The following TRIM14 variants were observed in gnomAD, a reference collection of about 807,000 sequenced individuals.
TRIM14 encodes the protein tripartite motif-containing protein 14.
TRIM14 carries 28 observed loss-of-function variants against 44.5 expected under a neutral mutation model. The observed-to-expected ratio is 0.63, with a 90% CI of 0.47 to 0.86. The LOEUF is 0.86. Among genes scored for constraint, TRIM14 ranks in the 40% least tolerant of loss-of-function variants. The pLI, the probability that TRIM14 is intolerant of heterozygous loss-of-function variation, is 0.00. For missense variants in TRIM14, 607 were observed against 611.1 expected, an observed-to-expected ratio of 0.99 and a Z score of 0.07; for synonymous variants, 299 against 269.2, an observed-to-expected ratio of 1.11 and a Z score of -1.08.
At position 98,095,100 on chromosome 9, in the gene TRIM14, C is replaced by T; in HGVS notation, c.538-71G>A. 2 of 1,532,976 alleles carry T rather than the reference C, an allele frequency of 1.3e-6. No individual in the cohort carries two copies. Among genetic ancestry groups the T allele is most frequent in the Non-Finnish European group, 1.7e-6 (2 of 1,143,622 alleles). The allele number at this position is 1,532,976 out of a possible 1,614,324, so 95.0% of individuals were successfully genotyped here. ...AGCATCCCAGCCTCCTGTGCTGCAC[C>T]CAGGAACAAACCCACACCAGCATGC... On this transcript the variant is annotated intron_variant, in intron 3 of 5. Coordinates refer to ENST00000341469, the MANE Select transcript of TRIM14 (RefSeq NM_014788.4). The surrounding 1 kb of genome is among the most constrained non-coding windows in gnomAD (Gnocchi z 4.1).
intron 1 of TRIM14, among the ~76,000 whole-genome samples, chr9:98,118,333 G>A (rs1239250165): frequency 6.6e-6 from 1 of 152,162 alleles, no homozygotes; most frequent in Non-Finnish European, 1.5e-5. Flanking sequence ...CTGGCTAATG[G>A]AGTCCTGGGT....
At chr9:98,082,665 A>AATC (rs1179470957), downstream of TRIM14, among the ~76,000 whole-genome samples, 5 of 152,206 alleles carry the variant, frequency 3.3e-5, no homozygotes, top group East Asian at 5.8e-4. Context: ...CTCTGAATTC[A>AATC]ATCTATACTG....
At position 98,087,869 on chromosome 9, in the gene TRIM14, T is replaced by C; in HGVS notation, c.930A>G (p.Gln310=). 6.4e-6 allele frequency: 10 copies of C among 1,566,490 alleles called. No homozygotes were observed. Among genetic ancestry groups the C allele is most frequent in the South Asian group, 1.2e-5 (1 of 86,896 alleles). Residue 310 remains glutamine, a synonymous_variant, in exon 6 of 6, where the codon CAA becomes CAG. Coordinates refer to ENST00000341469, the MANE Select transcript of TRIM14 (RefSeq NM_014788.4). ...TGGCGAAGCAGTCACGAGCCAGCAC[T>C]TGCCAGAGCGCGTCGAACCGCAGCA... ...VPVLRFDALW[Q]VLARDCFATG...
intron 1 of TRIM14, 64 bp downstream of exon 1, chr9:98,118,918 G>A (rs1827146805): frequency 7.0e-7 from 1 of 1,422,830 alleles, no homozygotes. Context: ...CCCCTCCTCG[G>A]CCGTTATGCC....
the TRIM14 span, among the ~76,000 whole-genome samples, chr9:98,039,393 T>A: frequency 6.6e-6 from 1 of 152,202 alleles, no homozygotes; most frequent in African/African-American, 2.4e-5. Context: ...CCTTGTTCAT[T>A]CCTGGGCGTA....
At chr9:98,076,528 C>T (rs143954095) in intron 6 of TRIM14, 2,171 of 193,072 alleles carry the variant, frequency 0.011, 24 homozygotes, top group Non-Finnish European at 0.014. Context: ...GTGCCCGCCA[C>T]CACACCCGGC....
At position 98,098,584 on chromosome 9, in the gene TRIM14, C is replaced by T. The variant is rs58944075; in HGVS notation, c.537+1347G>A. 4.8e-3 allele frequency among the ~76,000 whole-genome samples: 723 copies of T among 151,920 alleles called. 3 individuals carry two copies. Among genetic ancestry groups the T allele is most frequent in the African/African-American group, 0.017 (686 of 41,426 alleles). ...AAAATTAGCTGGGCGTGGTGGGGGG[C>T]GCCTGTAGTCCCAGCTACTCGGGAG... is the stretch of plus-strand genomic sequence containing the variant. On this transcript the variant is annotated intron_variant, in intron 3 of 5. Transcript: ENST00000341469.
At chr9:98,073,860 C>T (rs1259690376) in intron 6 of TRIM14, among the ~76,000 whole-genome samples, 1 of 152,146 alleles carries the variant, frequency 6.6e-6, no homozygotes, top group Non-Finnish European at 1.5e-5. Flanking sequence ...GACCTCAGCT[C>T]AGTGCAGCCT....
At chr9:98,059,029 A>T in the TRIM14 span, among the ~76,000 whole-genome samples, 2 of 148,204 alleles carry the variant, frequency 1.3e-5, no homozygotes, top group African/African-American at 2.5e-5. Flanking sequence ...AGAAGTTTTT[A>T]TTTTTTTTTT....
At chr9:98,039,054 A>G in the TRIM14 span, among the ~76,000 whole-genome samples, 57 of 152,140 alleles carry the variant, frequency 3.7e-4, no homozygotes, top group Non-Finnish European at 7.6e-4. Flanking sequence ...GTCTAAAAAA[A>G]AAAACCAAAA....
chr9:98,079,040 C>T (rs1829728511), intron 6 of TRIM14, among the ~76,000 whole-genome samples: 1 of 152,130 alleles, frequency 6.6e-6, no homozygotes. Context: ...TGCTGAGCAT[C>T]CCTGAGGCTC....
chr9:98,050,479 A>G, the TRIM14 span, among the ~76,000 whole-genome samples: 3 of 152,142 alleles, frequency 2.0e-5, no homozygotes, highest in South Asian at 2.1e-4. Context: ...GAAAAACAAA[A>G]CCTGGTTTGT....
At chr9:98,048,349 A>G in the TRIM14 span, among the ~76,000 whole-genome samples, 3 of 152,140 alleles carry the variant, frequency 2.0e-5, no homozygotes, top group African/African-American at 7.2e-5. Context: ...ACCCTGTTCT[A>G]CAAAGGGCTC....
chr9:98,057,531 T>C, the TRIM14 span, among the ~76,000 whole-genome samples: 4 of 152,208 alleles, frequency 2.6e-5, no homozygotes, highest in Non-Finnish European at 5.9e-5. Flanking sequence ...GTGAACCCTT[T>C]TCCCCATTTG....
downstream of TRIM14, among the ~76,000 whole-genome samples, chr9:98,084,114 G>A (rs1259265247): frequency 2.0e-5 from 3 of 151,480 alleles, no homozygotes; most frequent in East Asian, 2.0e-4. Context: ...CGCTGAAATC[G>A]GTGGGGAGGA....
At position 98,095,025 on chromosome 9, in the gene TRIM14, T is replaced by C; in HGVS notation, c.542A>G (p.Tyr181Cys). 1 of 1,612,986 alleles carries C rather than the reference T, an allele frequency of 6.2e-7. No homozygotes were observed. The highest frequency in any genetic ancestry group is 2.2e-5 in the East Asian group (1 of 44,840). ...EPDPVQRLQA[Y>C]TATEQEMQQQ... Reference sequence around the variant, plus strand: ...CTGCATCTCCTGCTCGGTGGCCGTGTATGCCTGTGTGGGCACACGGGGGTG... The same window carrying C: ...CTGCATCTCCTGCTCGGTGGCCGTGCATGCCTGTGTGGGCACACGGGGGTG... Residue 181 changes from tyrosine (Y) to cysteine (C), a missense_variant, in exon 4 of 6, where the codon TAC (tyrosine) becomes TGC (cysteine). By Grantham distance (194) the Tyr-to-Cys change is radical (BLOSUM62 -2). This residue lies in a region of TRIM14 where 246 missense variants were observed against 270.8 expected (regional missense o/e 0.91). Transcript: ENST00000341469. The surrounding 1 kb of genome is among the most constrained non-coding windows in gnomAD (Gnocchi z 4.1).
At chr9:98,073,174 G>C (rs1399520547) in intron 6 of TRIM14, among the ~76,000 whole-genome samples, 1 of 151,438 alleles carries the variant, frequency 6.6e-6, no homozygotes, top group Non-Finnish European at 1.5e-5. Flanking sequence ...CCTAGGCACG[G>C]TGCCCTCTGA....
chr9:98,050,746 G>A, the TRIM14 span, among the ~76,000 whole-genome samples: 1 of 152,084 alleles, frequency 6.6e-6, no homozygotes, highest in African/African-American at 2.4e-5. Context: ...GTCTCAGCGT[G>A]TCATTCATAG....
chr9:98,077,126 C>T (rs1829628716), intron 6 of TRIM14: 2 of 829,968 alleles, frequency 2.4e-6, no homozygotes, highest in South Asian at 1.8e-5. Context: ...AAATTTTAGC[C>T]TCTTTTCATT....
Sources: allele counts gnomAD v4.1 joint callset (sites outside exome capture counted in the v4.1 genomes callset), GRCh38; gene constraint gnomAD v4.1.1; regional missense constraint gnomAD v4.1.1; non-coding constraint Gnocchi (gnomAD v3.1); transcripts MANE v1.5; gene names NCBI Gene and HGNC (gene_info 2026-07-23, HGNC 2026-07-21).